DNAH14: variants seen among roughly 807,000 people sequenced by gnomAD.
DNAH14 encodes the protein axonemal beta dynein heavy chain 14.
DNAH14 carries 478 observed loss-of-function variants against 520.9 expected under a neutral mutation model. The ratio of observed to expected loss-of-function variants is 0.92; its 90% CI spans 0.85 to 0.99. The LOEUF (loss-of-function observed/expected upper bound fraction) is 0.99. DNAH14 is among the 50% of genes least tolerant of loss of function. The pLI is 0.00. For synonymous variants in DNAH14, 1,581 were observed against 1,757.2 expected, an observed-to-expected ratio of 0.90 and a Z score of 2.51; for missense variants, 4,831 against 5,234.5, an observed-to-expected ratio of 0.92 and a Z score of 2.38.
intron 8 of DNAH14, among the ~76,000 whole-genome samples, chr1:225,000,795 G>T (rs1463199921): frequency 6.6e-6 from 1 of 151,522 alleles, no homozygotes; most frequent in Non-Finnish European, 1.5e-5. Flanking sequence ...CAGCCATTGA[G>T]TTTTTTTTGT....
chr1:225,035,022 A>G (rs945296329), intron 11 of DNAH14, among the ~76,000 whole-genome samples: 19 of 146,230 alleles, frequency 1.3e-4, no homozygotes, highest in African/African-American at 4.5e-4. Context: ...TTCAAAAACA[A>G]CAGCTCCTGG....
chr1:225,323,874 G>A (rs777796313), intron 62 of DNAH14, among the ~76,000 whole-genome samples: 12 of 151,108 alleles, frequency 7.9e-5, no homozygotes, highest in Non-Finnish European at 1.3e-4. Flanking sequence ...GGAGTGCAGC[G>A]GCATGATCTT....
intron 8 of DNAH14, among the ~76,000 whole-genome samples, chr1:224,982,267 T>C (rs2449257): frequency 0.15 from 23,536 of 152,212 alleles, 3,428 homozygotes; most frequent in African/African-American, 0.37. Context: ...TGCTCAGGGC[T>C]GGCTGCAGTG....
chr1:225,319,384 C>A (rs2094520941), intron 61 of DNAH14, among the ~76,000 whole-genome samples: 1 of 152,122 alleles, frequency 6.6e-6, no homozygotes, highest in Non-Finnish European at 1.5e-5. Context: ...CAATGGGAAC[C>A]TACCTATAAC....
At chr1:224,977,836 C>G (rs2061975454) in intron 8 of DNAH14, among the ~76,000 whole-genome samples, 1 of 151,994 alleles carries the variant, frequency 6.6e-6, no homozygotes, top group Non-Finnish European at 1.5e-5. Context: ...AATAAATAAT[C>G]TGATTTAAAA....
chr1:225,195,196 GAC>G (rs2085965243), intron 38 of DNAH14, among the ~76,000 whole-genome samples: 1 of 152,010 alleles, frequency 6.6e-6, no homozygotes, highest in Admixed American at 6.6e-5. Context: ...CTACCATAAA[GAC>G]ACATGCATAC....
chr1:225,080,841 C>T, intron 19 of DNAH14, 93 bp downstream of exon 19: 2 of 1,333,748 alleles, frequency 1.5e-6, no homozygotes, highest in Non-Finnish European at 2.0e-6. Context: ...GTTTCTTTAC[C>T]CATTCTCAGG....
intron 43 of DNAH14, among the ~76,000 whole-genome samples, chr1:225,245,923 A>G (rs1358136050): frequency 6.6e-6 from 1 of 151,904 alleles, no homozygotes; most frequent in Non-Finnish European, 1.5e-5. Flanking sequence ...CAAGACAATC[A>G]TAAGCAAAAA....
At chr1:225,012,221 G>C (rs1230713961) in intron 10 of DNAH14, among the ~76,000 whole-genome samples, 1 of 152,028 alleles carries the variant, frequency 6.6e-6, no homozygotes, top group African/African-American at 2.4e-5. Context: ...GCTTAATTTG[G>C]CTGGAAATGA....
At chr1:225,019,065 T>A (rs1238625459) in intron 10 of DNAH14, among the ~76,000 whole-genome samples, 3 of 152,172 alleles carry the variant, frequency 2.0e-5, no homozygotes, top group Non-Finnish European at 4.4e-5. Context: ...AATCCTCACA[T>A]GTTAATATTG....
chr1:225,382,839 C>T (rs2095798118), intron 81 of DNAH14, among the ~76,000 whole-genome samples: 1 of 152,078 alleles, frequency 6.6e-6, no homozygotes, highest in African/African-American at 2.4e-5. Context: ...TATGGTATGT[C>T]CCTGTAATGA....
chr1:225,169,614 G>GAAAA (rs1417318882), intron 36 of DNAH14, among the ~76,000 whole-genome samples: 2 of 152,082 alleles, frequency 1.3e-5, no homozygotes, highest in Non-Finnish European at 2.9e-5. Flanking sequence ...AAGAAATATG[G>GAAAA]GACTATGTGA....
Position 225,277,469 on chromosome 1 carries a change from G to C in DNAH14, c.8238G>C (p.Arg2746Ser). 2.1e-6 allele frequency: 1 copy of C among 470,692 alleles called. No individual in the cohort carries two copies. Among genetic ancestry groups the C allele is most frequent in the African/African-American group, 2.0e-5 (1 of 50,148 alleles). 29.2% of individuals were successfully genotyped at this position (470,692 alleles called of 1,614,324 possible). The change falls in exon 54 of 86, where the codon AGG (arginine) becomes AGC (serine). Residue 2746 changes from arginine (R) to serine (S), a missense_variant. Transcript: ENST00000682510. Reference sequence around the variant, plus strand: ...TAGAACACATCATAAGAGCAACAAGGGTTCTTCGACAACCAGGGAGTCACA... The same window carrying C: ...TAGAACACATCATAAGAGCAACAAGCGTTCTTCGACAACCAGGGAGTCACA... ...EAIEHIIRATRVLRQPGSHML... is the reference protein window; with the variant it reads ...EAIEHIIRATSVLRQPGSHML...
At chr1:225,084,013 A>G (rs1180384387) in intron 20 of DNAH14, among the ~76,000 whole-genome samples, 1 of 152,160 alleles carries the variant, frequency 6.6e-6, no homozygotes, top group East Asian at 1.9e-4. Flanking sequence ...GGTGGCCTAC[A>G]TGGGGTGGTG....
intron 8 of DNAH14, among the ~76,000 whole-genome samples, chr1:224,981,032 T>G (rs981962062): frequency 3.3e-5 from 5 of 152,232 alleles, no homozygotes; most frequent in African/African-American, 1.2e-4. Context: ...TGTCTAATGC[T>G]TTTTCTGCAT....
intron 41 of DNAH14, among the ~76,000 whole-genome samples, chr1:225,226,732 A>G (rs894118868): frequency 6.6e-6 from 1 of 152,212 alleles, no homozygotes; most frequent in Non-Finnish European, 1.5e-5. Flanking sequence ...GCGCTCAGCA[A>G]GTGAGGACCT....
intron 66 of DNAH14, among the ~76,000 whole-genome samples, chr1:225,335,244 TTGTG>T (rs765516286): frequency 2.5e-5 from 3 of 118,798 alleles, no homozygotes; most frequent in Non-Finnish European, 5.6e-5. Flanking sequence ...CATGTGTACA[TTGTG>T]TGTATATGCA....
At chr1:225,095,349 C>T (rs899255853) in intron 21 of DNAH14, among the ~76,000 whole-genome samples, 1 of 152,058 alleles carries the variant, frequency 6.6e-6, no homozygotes, top group Admixed American at 6.6e-5. Flanking sequence ...TTCTTTGTAG[C>T]ATCTTGGATG....
At chr1:225,386,706 G>A (rs2095845692) in intron 81 of DNAH14, among the ~76,000 whole-genome samples, 1 of 152,200 alleles carries the variant, frequency 6.6e-6, no homozygotes, top group Admixed American at 6.5e-5. Context: ...CAGTTAGAAT[G>A]GCAATCATTA....
Sources: gnomAD v4.1 joint callset for allele counts (sites outside exome capture counted in the v4.1 genomes callset) on GRCh38, gnomAD v4.1.1 for gene constraint, MANE v1.5 for transcripts, NCBI Gene and HGNC (gene_info 2026-07-23, HGNC 2026-07-21) for gene names.